GPC6: variants seen among roughly 807,000 people sequenced by gnomAD.
The protein encoded by GPC6 is glypican-6.
GPC6 carries 14 observed loss-of-function variants against 55.2 expected under a neutral mutation model. That is an observed-to-expected ratio of 0.25 (90% CI 0.17 to 0.40). The LOEUF is 0.40. GPC6 is among the 10% of genes least tolerant of loss of function. The pLI is 1.00. For synonymous variants in GPC6, 278 were observed against 259.6 expected (o/e 1.07, Z -0.68); for missense variants, 641 against 708.5 (o/e 0.90, Z 1.08).
intron 1 of GPC6, among the ~76,000 whole-genome samples, chr13:93,421,094 G>A (rs1358599089): frequency 6.6e-6 from 1 of 152,114 alleles, no homozygotes; most frequent in Non-Finnish European, 1.5e-5. Flanking sequence ...TGACGGCGGC[G>A]TGGGCGGGGG....
At chr13:93,279,137 TA>T (rs1416957588) in intron 1 of GPC6, among the ~76,000 whole-genome samples, 1 of 152,228 alleles carries the variant, frequency 6.6e-6, no homozygotes, top group Non-Finnish European at 1.5e-5. Flanking sequence ...CTTGCTAGAA[TA>T]TCTGTGGTTC....
intron 1 of GPC6, among the ~76,000 whole-genome samples, chr13:93,292,613 G>GA (rs1448604237): frequency 6.6e-6 from 1 of 152,098 alleles, no homozygotes; most frequent in Non-Finnish European, 1.5e-5. Flanking sequence ...AATGGGTTGT[G>GA]AAATTTACAC....
chr13:94,003,059 C>A (rs918553445), intron 3 of GPC6, among the ~76,000 whole-genome samples: 10 of 152,220 alleles, frequency 6.6e-5, no homozygotes, highest in African/African-American at 2.4e-4. Flanking sequence ...TAATTCGCAT[C>A]TAGCTGTGAA....
At chr13:93,447,120 T>C (rs552396411) in intron 1 of GPC6, among the ~76,000 whole-genome samples, 2 of 152,224 alleles carry the variant, frequency 1.3e-5, no homozygotes, top group African/African-American at 2.4e-5. Flanking sequence ...TGCTTTGCTA[T>C]ATAAGGGGCC....
chr13:93,569,779 A>G (rs1876312247), intron 2 of GPC6, among the ~76,000 whole-genome samples: 1 of 152,146 alleles, frequency 6.6e-6, no homozygotes, highest in African/African-American at 2.4e-5. Flanking sequence ...AATATGCCTT[A>G]TGAATAATTT....
At chr13:94,344,842 C>G (rs894551247) in intron 6 of GPC6, among the ~76,000 whole-genome samples, 3 of 152,176 alleles carry the variant, frequency 2.0e-5, no homozygotes, top group South Asian at 4.2e-4. Context: ...AGTGGAAGCC[C>G]ATGGTACTTA....
chr13:94,006,383 C>T (rs773064367), intron 3 of GPC6, among the ~76,000 whole-genome samples: 16 of 152,066 alleles, frequency 1.1e-4, no homozygotes, highest in African/African-American at 1.7e-4. Flanking sequence ...CAGATCCCCA[C>T]GCTGCTACTC....
intron 2 of GPC6, among the ~76,000 whole-genome samples, chr13:93,728,519 G>A (rs931491207): frequency 3.3e-5 from 5 of 151,628 alleles, no homozygotes; most frequent in African/African-American, 9.7e-5. Flanking sequence ...AGGATTACTG[G>A]TGTGAGCCAC....
At chr13:93,711,170 G>A (rs1883043942) in intron 2 of GPC6, among the ~76,000 whole-genome samples, 1 of 151,792 alleles carries the variant, frequency 6.6e-6, no homozygotes, top group Non-Finnish European at 1.5e-5. Flanking sequence ...TGAAAGAAGA[G>A]ATGACATTAA....
chr13:93,635,588 T>C (rs937840599), intron 2 of GPC6, among the ~76,000 whole-genome samples: 13 of 152,180 alleles, frequency 8.5e-5, no homozygotes, highest in African/African-American at 3.1e-4. Context: ...GTAGTTCAAA[T>C]ATTCGCCTTC....
At chr13:93,789,230 C>A (rs1163038162) in intron 2 of GPC6, among the ~76,000 whole-genome samples, 1 of 151,916 alleles carries the variant, frequency 6.6e-6, no homozygotes, top group African/African-American at 2.4e-5. Context: ...AGCCAGTTGG[C>A]TCTAAGAATA....
At chr13:93,653,327 A>G (rs1476275961) in intron 2 of GPC6, among the ~76,000 whole-genome samples, 1 of 152,176 alleles carries the variant, frequency 6.6e-6, no homozygotes, top group Non-Finnish European at 1.5e-5. Context: ...AAGAAATCAC[A>G]TGTTAAATTA....
chr13:93,834,515 A>T (rs1028624951), intron 3 of GPC6, among the ~76,000 whole-genome samples: 1 of 152,182 alleles, frequency 6.6e-6, no homozygotes. Context: ...TGAAGGAGGG[A>T]TACATAGAGA....
At chr13:94,245,416 A>T (rs985771706) in intron 4 of GPC6, among the ~76,000 whole-genome samples, 42 of 151,744 alleles carry the variant, frequency 2.8e-4, no homozygotes, top group African/African-American at 9.4e-4. Context: ...AAAAAAATTT[A>T]AAAGCTAGCC....
intron 2 of GPC6, among the ~76,000 whole-genome samples, chr13:93,605,145 C>A (rs1878185526): frequency 6.6e-6 from 1 of 152,136 alleles, no homozygotes; most frequent in South Asian, 2.1e-4. Flanking sequence ...CAGCTTACTT[C>A]ATCCAGTTGG....
chr13:93,409,833 G>A (rs750422651), intron 1 of GPC6, among the ~76,000 whole-genome samples: 1 of 152,120 alleles, frequency 6.6e-6, no homozygotes, highest in Non-Finnish European at 1.5e-5. Context: ...CTGTGAGATG[G>A]GGCATTGACA....
rs542995770 is a variant in GPC6 at position 94,213,569 on chromosome 13, G to A, written c.878-72780G>A. Among the ~76,000 whole-genome samples the A allele has an allele frequency of 4.6e-5, 7 of 152,208 alleles. No homozygotes were observed. In the East Asian group the frequency reaches 1.2e-3, roughly 25 times the overall value. ...CCTCATGCCCCTGTGGGTAGCTCTC[G>A]GGTTGGCAGAGGGCCACCGGTCTAG... is the stretch of plus-strand genomic sequence containing the variant. On this transcript the variant is annotated intron_variant, in intron 4 of 8. Coordinates refer to ENST00000377047, the MANE Select transcript of GPC6 (RefSeq NM_005708.5).
intron 1 of GPC6, among the ~76,000 whole-genome samples, chr13:93,483,683 T>G (rs1277719439): frequency 6.6e-6 from 1 of 152,196 alleles, no homozygotes; most frequent in Non-Finnish European, 1.5e-5. Flanking sequence ...AGCCCTAAAA[T>G]AATGTTTAGT....
At chr13:93,370,211 T>C (rs1881401291) in intron 1 of GPC6, among the ~76,000 whole-genome samples, 7 of 152,026 alleles carry the variant, frequency 4.6e-5, no homozygotes, top group Admixed American at 4.6e-4. Flanking sequence ...GCCCTTTGGG[T>C]TTCTAGATAA....
Sources: allele counts gnomAD v4.1 joint callset (sites outside exome capture counted in the v4.1 genomes callset), GRCh38; gene constraint gnomAD v4.1.1; transcripts MANE v1.5; gene names NCBI Gene and HGNC (gene_info 2026-07-23, HGNC 2026-07-21).